The following DNAH12 variants were observed in gnomAD, a reference collection of about 807,000 sequenced individuals.
The protein encoded by DNAH12 is axonemal beta dynein heavy chain 12.
A neutral mutation model predicts 371.5 loss-of-function variants in DNAH12; 285 were observed. The observed-to-expected ratio is 0.77, with a 90% CI of 0.70 to 0.85. The LOEUF (loss-of-function observed/expected upper bound fraction) is 0.85, where lower values mean the gene tolerates loss of function less well. DNAH12 is among the 40% of genes least tolerant of loss of function. The pLI is 0.00. For missense variants in DNAH12, 3,611 were observed against 3,689.4 expected (o/e 0.98, Z 0.55); for synonymous variants, 1,200 against 1,213.0 (o/e 0.99, Z 0.22).
intron 45 of DNAH12, among the ~76,000 whole-genome samples, chr3:57,389,356 C>G (rs1020494859): frequency 7.2e-5 from 11 of 151,918 alleles, no homozygotes; most frequent in African/African-American, 1.2e-4. Context: ...ACTAAAGAGG[C>G]AGAAAACCAG....
chr3:57,368,406 A>T (rs1413349055), intron 55 of DNAH12, 146 bp from the exon 56 acceptor site: 1 of 152,096 alleles, frequency 6.6e-6, no homozygotes, highest in Non-Finnish European at 1.5e-5. Context: ...GTCCTATGAG[A>T]AAAAAATGAA....
Position 57,453,356 on chromosome 3 carries a change from A to G in DNAH12, c.3504T>C (p.Ile1168=). 6.4e-7 allele frequency: 1 copy of G among 1,550,816 alleles called. No individual in the cohort carries two copies. The highest frequency in any genetic ancestry group is 8.7e-7 in the Non-Finnish European group (1 of 1,146,656). ...ACAACTTTCCTCTTACCAGCTCTACAATCTCATTCAGTTGGTTCTGAAGTT... is the reference window on the plus strand; with the variant it reads ...ACAACTTTCCTCTTACCAGCTCTACGATCTCATTCAGTTGGTTCTGAAGTT... The part of the protein sequence containing the change: ...YKELQNQLNE[I]VELVRGKLSK... Residue 1168 remains isoleucine (I), a synonymous_variant, in exon 24 of 74, where the codon ATT becomes ATC. Coordinates refer to ENST00000495027, the MANE Select transcript of DNAH12 (RefSeq NM_001366028.2).
At chr3:57,491,075 C>T (rs1449638727) in intron 11 of DNAH12, among the ~76,000 whole-genome samples, 3 of 58,010 alleles carry the variant, frequency 5.2e-5, no homozygotes, top group African/African-American at 7.0e-5. Context: ...GAGCGAGACT[C>T]TATCTCAAAA....
At chr3:57,444,564 T>C (rs2065415077) in intron 29 of DNAH12, 133 bp downstream of exon 29, 3 of 1,308,874 alleles carry the variant, frequency 2.3e-6, no homozygotes, top group Non-Finnish European at 3.1e-6. Flanking sequence ...CTTATTGTTA[T>C]TAACTAAAGT....
At chr3:57,525,753 A>ATTTTTTTTTT (rs1553720003) in intron 2 of DNAH12, among the ~76,000 whole-genome samples, 1 of 62,848 alleles carries the variant, frequency 1.6e-5, no homozygotes, top group Non-Finnish European at 3.2e-5. Context: ...AGTATGTCTT[A>ATTTTTTTTTT]TTCTTTTTTT....
chr3:57,398,361 C>T (rs2063787770), intron 43 of DNAH12, among the ~76,000 whole-genome samples: 1 of 152,104 alleles, frequency 6.6e-6, no homozygotes, highest in African/African-American at 2.4e-5. Context: ...AAAGAGAGGA[C>T]AGAGAGCTTT....
chr3:57,508,464 TA>T lies in DNAH12; in HGVS notation c.618del (p.Ile207PhefsTer5), dbSNP rs1340707055. 12 of 1,613,436 alleles carry T rather than the reference TA, an allele frequency of 7.4e-6. No individual in the cohort carries two copies. The highest frequency in any genetic ancestry group is 9.3e-6 in the Non-Finnish European group (11 of 1,179,882). ...AGTAACATTTTCATAGTTGGATGAA[TA>T]ATGTGCAAATTAGAGAATATTTGAT... Reference protein sequence around the residue: ...ARNQIFSNLHIIHPTMKMLLD... With the variant: ...ARNQIFSNLHXIHPTMKMLLD... On this transcript the variant is annotated frameshift_variant, in exon 7 of 74. Transcript: ENST00000495027. LOFTEE classifies it high-confidence loss of function.
intron 12 of DNAH12, 55 bp from the exon 13 acceptor site, chr3:57,483,566 C>CA: frequency 6.8e-7 from 1 of 1,467,862 alleles, no homozygotes; most frequent in Non-Finnish European, 9.1e-7. Context: ...ATATCATATT[C>CA]AATAAATGTG....
intron 4 of DNAH12, among the ~76,000 whole-genome samples, chr3:57,522,704 G>C (rs2068494390): frequency 6.6e-6 from 1 of 152,090 alleles, no homozygotes; most frequent in Admixed American, 6.5e-5. Flanking sequence ...CTGAAAACAT[G>C]CTGCATGATT....
Position 57,305,835 on chromosome 3 carries a change from T to C in DNAH12, c.11189+3316A>G, listed in dbSNP as rs534946581. 2.6e-5 allele frequency among the ~76,000 whole-genome samples: 4 copies of C among 152,034 alleles called. No individual in the cohort carries two copies. The South Asian group carries it at 6.2e-4, about 24-fold the overall frequency. On this transcript the variant is annotated intron_variant, in intron 69 of 73. Transcript: ENST00000495027. ...GTATGATAATAGAAAAAAGTTGCAATTCCTTGCCTCCACTGTGAGACAAAC... is the reference window on the plus strand; with the variant it reads ...GTATGATAATAGAAAAAAGTTGCAACTCCTTGCCTCCACTGTGAGACAAAC...
chr3:57,403,841 GATC>G (rs1266404193), intron 42 of DNAH12, among the ~76,000 whole-genome samples: 1 of 152,086 alleles, frequency 6.6e-6, no homozygotes, highest in African/African-American at 2.4e-5. Flanking sequence ...TGTGAGAAAA[GATC>G]ATTACCTATA....
chr3:57,552,071 T>C, the DNAH12 span, among the ~76,000 whole-genome samples: 3 of 151,414 alleles, frequency 2.0e-5, no homozygotes, highest in Admixed American at 6.6e-5. Context: ...GGTGAAACCC[T>C]GTCTCTACTA....
rs2061550305 is a variant in DNAH12, at chr3:57,309,772, GTTT to G, written c.10976_10978del (p.Lys3659del). ...GGTGAGGAGCAAGGACTCAAAGAGG[GTTT>G]TTGTTTGTTGAAGATCCTTGGAGAT... On this transcript the variant is annotated inframe_deletion, in exon 68 of 74. Coordinates refer to ENST00000495027, the MANE Select transcript of DNAH12 (RefSeq NM_001366028.2). 6.4e-7 allele frequency: 1 copy of G among 1,551,296 alleles called. No homozygotes were observed. Among genetic ancestry groups the G allele is most frequent in the Non-Finnish European group, 8.7e-7 (1 of 1,146,892 alleles).
intron 2 of DNAH12, among the ~76,000 whole-genome samples, chr3:57,531,958 C>A (rs1306305119): frequency 6.6e-6 from 1 of 152,014 alleles, no homozygotes; most frequent in Non-Finnish European, 1.5e-5. Context: ...TCTTTAAGGC[C>A]AATTACTCTT....
chr3:57,431,480 C>T (rs1219623418), intron 32 of DNAH12, among the ~76,000 whole-genome samples: 1 of 152,194 alleles, frequency 6.6e-6, no homozygotes, highest in East Asian at 1.9e-4. Context: ...AGTCTCTGCC[C>T]ACAGCCTCCA....
intron 4 of DNAH12, among the ~76,000 whole-genome samples, chr3:57,513,178 T>TAC (rs1232774661): frequency 1.3e-5 from 2 of 150,928 alleles, no homozygotes; most frequent in Admixed American, 6.6e-5. Flanking sequence ...CATGGAATAC[T>TAC]ACACAGGCAT....
intron 69 of DNAH12, among the ~76,000 whole-genome samples, chr3:57,308,164 T>C (rs1406338503): frequency 6.6e-6 from 1 of 152,168 alleles, no homozygotes; most frequent in Non-Finnish European, 1.5e-5. Context: ...GTAGACACTT[T>C]CACTGGATAG....
At chr3:57,472,975 T>C (rs1283836242) in intron 13 of DNAH12, among the ~76,000 whole-genome samples, 1 of 152,154 alleles carries the variant, frequency 6.6e-6, no homozygotes, top group Non-Finnish European at 1.5e-5. Flanking sequence ...CTGAAAAATA[T>C]AATTAAATCT....
chr3:57,453,145 G>T, intron 24 of DNAH12, 102 bp downstream of exon 24: 1 of 1,461,110 alleles, frequency 6.8e-7, no homozygotes. Flanking sequence ...AAAAGATTGT[G>T]TTAAAAAAAT....
Sources: gnomAD v4.1 joint callset for allele counts (sites outside exome capture counted in the v4.1 genomes callset) on GRCh38, gnomAD v4.1.1 for gene constraint, MANE v1.5 for transcripts, NCBI Gene and HGNC (gene_info 2026-07-23, HGNC 2026-07-21) for gene names.